SLC26A3: variants seen among roughly 807,000 people sequenced by gnomAD.
The protein encoded by SLC26A3 is solute carrier family 26 member 3.
Under a neutral mutation model 85.6 loss-of-function variants are expected in SLC26A3, and 64 were observed. The ratio of observed to expected loss-of-function variants is 0.75; its 90% CI spans 0.61 to 0.92. The LOEUF (loss-of-function observed/expected upper bound fraction) is 0.92. Among genes scored for constraint, SLC26A3 ranks in the 40% least tolerant of loss-of-function variants. The probability of loss-of-function intolerance (pLI) is 0.00; values close to 1 mark genes in which losing one functional copy is unlikely to be tolerated. For missense variants in SLC26A3, 922 were observed against 927.3 expected (o/e 0.99, Z 0.07); for synonymous variants, 349 against 336.0 (o/e 1.04, Z -0.42).
At chr7:107,790,980 A>T (rs1472990856) in intron 5 of SLC26A3, 68 bp downstream of exon 5, 2 of 1,529,506 alleles carry the variant, frequency 1.3e-6, no homozygotes, top group Non-Finnish European at 1.8e-6. Context: ...GGGGAGGAAA[A>T]ATAGAGAGAT....
intron 20 of SLC26A3, 142 bp from the exon 21 acceptor site, chr7:107,766,020 G>C: frequency 1.4e-6 from 1 of 699,900 alleles, no homozygotes; most frequent in South Asian, 1.7e-5. Flanking sequence ...TTCCATCACT[G>C]CTTGTTTAAC....
intron 20 of SLC26A3, among the ~76,000 whole-genome samples, chr7:107,766,106 A>G (rs1426772645): frequency 6.6e-6 from 1 of 152,186 alleles, no homozygotes; most frequent in African/African-American, 2.4e-5. Flanking sequence ...TGTTGTAGCA[A>G]TATCTTTCTT....
At chr7:107,781,384 T>TA (rs1231309486) in intron 11 of SLC26A3, among the ~76,000 whole-genome samples, 7 of 152,264 alleles carry the variant, frequency 4.6e-5, no homozygotes, top group South Asian at 4.1e-4. Context: ...CACAATGGCC[T>TA]AAAAAGAACA....
At chr7:107,801,868 T>C (rs189132380) in intron 1 of SLC26A3, among the ~76,000 whole-genome samples, 1 of 146,708 alleles carries the variant, frequency 6.8e-6, no homozygotes, top group Non-Finnish European at 1.5e-5. Flanking sequence ...TCACCTGAGG[T>C]CAGGAGTTCG....
chr7:107,793,694 A>G (rs1179558233), intron 3 of SLC26A3, 48 bp downstream of exon 3: 1 of 1,413,636 alleles, frequency 7.1e-7, no homozygotes, highest in Admixed American at 1.9e-5. Context: ...GTACACATTC[A>G]GAGGAAGAAT....
At chr7:107,789,428 TA>T in intron 6 of SLC26A3, 95 bp downstream of exon 6, 2 of 1,277,586 alleles carry the variant, frequency 1.6e-6, no homozygotes, top group Non-Finnish European at 2.2e-6. Flanking sequence ...AAACTGTAGG[TA>T]AACCCCATGG....
In SLC26A3 at chr7:107,773,948, T is replaced by C; in HGVS notation, c.1979A>G (p.Asp660Gly). The C allele has an allele frequency of 6.2e-7, 1 of 1,613,908 alleles. No homozygotes were observed. Among genetic ancestry groups the C allele is most frequent in the Non-Finnish European group, 8.5e-7 (1 of 1,179,862 alleles). Reference protein sequence around the residue: ...ILDFSAVSFLDVSSVRGLKSI... With the variant: ...ILDFSAVSFLGVSSVRGLKSI... Reference sequence around the variant, plus strand: ...TTTAAGGCCCCTCACTGAAGAAACATCAAGAAAGGACACTGCTGAAAAGTC... The same window carrying C: ...TTTAAGGCCCCTCACTGAAGAAACACCAAGAAAGGACACTGCTGAAAAGTC... The change falls in exon 17 of 21, where the codon GAT (aspartate) becomes GGT (glycine). Residue 660 changes from aspartate (D) to glycine (G), a missense_variant. Transcript: ENST00000340010.
chr7:107,796,967 AT>A (rs576969438), intron 1 of SLC26A3, among the ~76,000 whole-genome samples: 5 of 151,868 alleles, frequency 3.3e-5, no homozygotes, highest in South Asian at 2.1e-4. Context: ...TGGCTGTTGT[AT>A]TTTTTTTATT....
At chr7:107,790,957 G>T (rs1794387331) in intron 5 of SLC26A3, 91 bp downstream of exon 5, 2 of 1,326,634 alleles carry the variant, frequency 1.5e-6, no homozygotes, top group African/African-American at 1.5e-5. Flanking sequence ...GGAAGATGGG[G>T]AGGAGTGGCA....
In SLC26A3 at chr7:107,774,285, C is replaced by G; in HGVS notation, c.1774-132G>C. ...GATGGGATTGGACTAGGTGTGGTGG[C>G]TCATGCCTGTCATCCCAGCACTTTA... is the stretch of plus-strand genomic sequence containing the variant. On this transcript the variant is annotated intron_variant, in intron 16 of 20. Coordinates refer to ENST00000340010, the MANE Select transcript of SLC26A3 (RefSeq NM_000111.3). The G allele has an allele frequency of 9.2e-6, 7 of 761,078 alleles. No homozygotes were observed. In the South Asian group the frequency reaches 1.0e-4, roughly 11 times the overall value. 47.1% of individuals were successfully genotyped at this position (761,078 alleles called of 1,614,324 possible).
At chr7:107,781,705 G>T (rs1794216992) in intron 11 of SLC26A3, among the ~76,000 whole-genome samples, 1 of 151,764 alleles carries the variant, frequency 6.6e-6, no homozygotes, top group African/African-American at 2.4e-5. Flanking sequence ...CTTGAAGATG[G>T]ATTTGGCCAT....
chr7:107,788,715 T>G (rs1794339164), intron 6 of SLC26A3, among the ~76,000 whole-genome samples: 1 of 151,972 alleles, frequency 6.6e-6, no homozygotes, highest in Non-Finnish European at 1.5e-5. Flanking sequence ...TTTTCAGTAT[T>G]GTTCCCTTGC....
At chr7:107,779,827 G>T in intron 11 of SLC26A3, 64 bp from the exon 12 acceptor site, 1 of 1,346,402 alleles carries the variant, frequency 7.4e-7, no homozygotes, top group Non-Finnish European at 1.1e-6. Context: ...GGAAGCAAAG[G>T]TGAAGGCTAT....
chr7:107,773,814 G>C, intron 17 of SLC26A3, 106 bp downstream of exon 17: 1 of 960,454 alleles, frequency 1.0e-6, no homozygotes, highest in Non-Finnish European at 1.6e-6. Context: ...GCCTCCCAAA[G>C]TGCTGGGATT....
At chr7:107,802,942 G>A (rs17154455) in intron 1 of SLC26A3, among the ~76,000 whole-genome samples, 169 bp downstream of exon 1, 2,298 of 152,098 alleles carry the variant, frequency 0.015, 61 homozygotes, top group African/African-American at 0.052. Context: ...CATTGCTAGC[G>A]CTCCAGACAT....
chr7:107,789,456 A>G, intron 6 of SLC26A3, 68 bp downstream of exon 6: 1 of 1,474,758 alleles, frequency 6.8e-7, no homozygotes. Flanking sequence ...CATTAAAGGA[A>G]AGCTCTCTAA....
At chr7:107,766,214 C>G (rs1284601866) in intron 20 of SLC26A3, among the ~76,000 whole-genome samples, 2 of 152,136 alleles carry the variant, frequency 1.3e-5, no homozygotes, top group Non-Finnish European at 2.9e-5. Context: ...ATTTACCTTC[C>G]TTGAGACCAA....
At chr7:107,767,961 G>A in intron 18 of SLC26A3, 53 bp from the exon 19 acceptor site, 1 of 1,560,932 alleles carries the variant, frequency 6.4e-7, no homozygotes, top group Non-Finnish European at 8.8e-7. Context: ...TTGGCTACCG[G>A]TTTCCCCTTG....
chr7:107,774,236 C>T (rs1178531232), intron 16 of SLC26A3, 83 bp from the exon 17 acceptor site: 4 of 1,126,270 alleles, frequency 3.6e-6, no homozygotes, highest in Non-Finnish European at 5.4e-6. Flanking sequence ...GTTTCAGAAG[C>T]ACTGATTCTG....
Sources: allele counts gnomAD v4.1 joint callset (sites outside exome capture counted in the v4.1 genomes callset), GRCh38; gene constraint gnomAD v4.1.1; transcripts MANE v1.5; gene names NCBI Gene and HGNC (gene_info 2026-07-23, HGNC 2026-07-21).